The following CA13 variants were observed in gnomAD, a reference collection of about 807,000 sequenced individuals.
The protein encoded by CA13 is CA-XIII.
Under a neutral mutation model 31.5 loss-of-function variants are expected in CA13, and 21 were observed. That is an observed-to-expected ratio of 0.67 (90% confidence interval 0.47 to 0.96). The LOEUF is 0.96. Among genes scored for constraint, CA13 ranks in the 40% least tolerant of loss-of-function variants. The pLI is 0.00. For synonymous variants in CA13, 117 were observed against 111.4 expected (o/e 1.05, Z -0.32); for missense variants, 315 against 318.9 (o/e 0.99, Z 0.09).
intron 4 of CA13, chr8:85,267,190 C>T: frequency 1.0e-6 from 1 of 961,050 alleles, no homozygotes; most frequent in Admixed American, 5.9e-5. Context: ...GGGCTTCTCA[C>T]CTCCCTCTGC....
At chr8:85,268,186 G>A (rs571302465) in intron 5 of CA13, among the ~76,000 whole-genome samples, 1 of 152,196 alleles carries the variant, frequency 6.6e-6, no homozygotes, top group South Asian at 2.1e-4. Flanking sequence ...TTAGTCTCTG[G>A]TATTATATTA....
In CA13 at chr8:85,245,670, C is replaced by G. The variant is rs1276971418; in HGVS notation, c.-159C>G. On this transcript the variant is annotated 5_prime_UTR_variant, in exon 1 of 7. Transcript: ENST00000321764. The stretch of plus-strand genomic sequence containing the variant: ...CCGCACGCCTCTGCCGTCTGGAGGA[C>G]GCAGGCGGGAGCGCCCCGGACCGGG... 1.3e-6 allele frequency: 1 copy of G among 763,488 alleles called. No individual in the cohort carries two copies. Among genetic ancestry groups the G allele is most frequent in the Non-Finnish European group, 2.2e-6 (1 of 456,602 alleles). The allele number at this position is 763,488 out of a possible 1,614,324, so 47.3% of individuals were successfully genotyped here.
At chr8:85,249,303 AG>A (rs1407458187) in intron 1 of CA13, among the ~76,000 whole-genome samples, 2 of 152,144 alleles carry the variant, frequency 1.3e-5, no homozygotes, top group Non-Finnish European at 2.9e-5. Context: ...GTTTGAGACC[AG>A]CCTGTAGTGA....
At chr8:85,262,568 C>G (rs1030449205) in intron 3 of CA13, among the ~76,000 whole-genome samples, 1 of 152,124 alleles carries the variant, frequency 6.6e-6, no homozygotes, top group African/African-American at 2.4e-5. Context: ...AGGGCCTGAT[C>G]TTACTGAGGT....
At chr8:85,258,273 T>G (rs1040022014) in intron 2 of CA13, among the ~76,000 whole-genome samples, 2 of 152,010 alleles carry the variant, frequency 1.3e-5, no homozygotes, top group African/African-American at 4.8e-5. Context: ...GATGAGACAA[T>G]TTAGGACTAT....
At chr8:85,247,463 G>A (rs1416858495) in intron 1 of CA13, among the ~76,000 whole-genome samples, 2 of 152,112 alleles carry the variant, frequency 1.3e-5, no homozygotes, top group Non-Finnish European at 2.9e-5. Context: ...TTTTAGATGC[G>A]ATCTCTCTCT....
At chr8:85,265,055 C>T (rs1421469146) in intron 3 of CA13, among the ~76,000 whole-genome samples, 1 of 152,182 alleles carries the variant, frequency 6.6e-6, no homozygotes, top group Non-Finnish European at 1.5e-5. Flanking sequence ...ACATATTTAT[C>T]TCCTATAAAT....
intron 6 of CA13, among the ~76,000 whole-genome samples, chr8:85,273,642 GGCCATCC>G (rs1265025954): frequency 6.6e-6 from 1 of 151,972 alleles, no homozygotes; most frequent in Non-Finnish European, 1.5e-5. Context: ...CCGAGAGGGA[GGCCATCC>G]GGGTACTATG....
In CA13 at chr8:85,263,414, A is replaced by G. The variant is rs148373552; in HGVS notation, c.355-3194A>G. Reference sequence around the variant, plus strand: ...GCTGGGTAGAGAGGAGGCCGCTGTCAGGCAAATGTTGAAGTAGGGAGAAAA... The same window carrying G: ...GCTGGGTAGAGAGGAGGCCGCTGTCGGGCAAATGTTGAAGTAGGGAGAAAA... On this transcript the variant is annotated intron_variant, in intron 3 of 6. Coordinates refer to ENST00000321764, the MANE Select transcript of CA13 (RefSeq NM_198584.3). Among the ~76,000 whole-genome samples, 613 of 152,318 alleles carry G rather than the reference A, an allele frequency of 4.0e-3. 1 individual carries two copies. Among genetic ancestry groups the G allele is most frequent in the Middle Eastern group, 0.014 (4 of 294 alleles).
In CA13 at chr8:85,259,454, GGTTAC is replaced by G; in HGVS notation, c.271_275del (p.Leu91AlafsTer10). The G allele has an allele frequency of 6.2e-7, 1 of 1,614,114 alleles. No homozygotes were observed. Among genetic ancestry groups the G allele is most frequent in the Non-Finnish European group, 8.5e-7 (1 of 1,179,990 alleles). On this transcript the variant is annotated frameshift_variant, in exon 3 of 7. Coordinates refer to ENST00000321764, the MANE Select transcript of CA13 (RefSeq NM_198584.3). LOFTEE classifies it high-confidence loss of function. The stretch of plus-strand genomic sequence containing the variant: ...GGTGGTCCTCTCACTGGAAGCTACA[GGTTAC>G]GGCAGGTTCACCTTCACTGGGGGTC...
At chr8:85,276,194 G>A (rs936741058) in intron 6 of CA13, among the ~76,000 whole-genome samples, 3 of 152,188 alleles carry the variant, frequency 2.0e-5, no homozygotes, top group African/African-American at 7.2e-5. Context: ...GCAGTTAGGG[G>A]CTTAGCACCT....
At chr8:85,280,396 T>C (rs1437953036) in intron 6 of CA13, among the ~76,000 whole-genome samples, 1 of 152,196 alleles carries the variant, frequency 6.6e-6, no homozygotes, top group African/African-American at 2.4e-5. Context: ...CTATTTCTTA[T>C]AAAGGACCTC....
At chr8:85,277,164 A>G (rs1027570134) in intron 6 of CA13, among the ~76,000 whole-genome samples, 1 of 152,182 alleles carries the variant, frequency 6.6e-6, no homozygotes, top group Admixed American at 6.5e-5. Flanking sequence ...GTCTTCTTCC[A>G]CACCGTGGAA....
rs1234689086 is a variant in CA13 at position 85,283,322 on chromosome 8, T to C, written c.*1973T>C. 2 of 152,236 alleles carry C rather than the reference T, an allele frequency of 1.3e-5. No homozygotes were observed. The highest frequency in any genetic ancestry group is 2.9e-5 in the Non-Finnish European group (2 of 68,028). 9.4% of individuals were successfully genotyped at this position (152,236 alleles called of 1,614,324 possible). On this transcript the variant is annotated 3_prime_UTR_variant, in exon 7 of 7. Transcript: ENST00000321764. ...CAGTGGTGGATACTGTTGCATAAGA[T>C]GAGCTCCTGAAGAGTGAAGCTAATT...
At chr8:85,262,989 A>G (rs1807405293) in intron 3 of CA13, among the ~76,000 whole-genome samples, 1 of 152,196 alleles carries the variant, frequency 6.6e-6, no homozygotes. Context: ...TGATGGGAAC[A>G]ATACCATGTG....
chr8:85,264,483 G>C (rs188095252), intron 3 of CA13, among the ~76,000 whole-genome samples: 1 of 152,096 alleles, frequency 6.6e-6, no homozygotes, highest in Non-Finnish European at 1.5e-5. Flanking sequence ...AATAGAAGTG[G>C]TATCAGTTCC....
At chr8:85,250,982 T>G in intron 2 of CA13, 45 bp downstream of exon 2, 1 of 1,459,016 alleles carries the variant, frequency 6.9e-7, no homozygotes, top group Non-Finnish European at 9.6e-7. Flanking sequence ...ATGAAGGGTT[T>G]GAATGATTAG....
intron 6 of CA13, among the ~76,000 whole-genome samples, chr8:85,276,297 G>A (rs778923934): frequency 6.6e-6 from 1 of 152,178 alleles, no homozygotes; most frequent in Non-Finnish European, 1.5e-5. Flanking sequence ...CGCCATGCTT[G>A]AGCCTCCCCC....
chr8:85,259,322 G>A lies in CA13; in HGVS notation c.236-99G>A, dbSNP rs186517226. 598 of 887,776 alleles carry A rather than the reference G, an allele frequency of 6.7e-4. 4 individuals carry two copies. In the African/African-American group the frequency reaches 7.1e-3, roughly 11 times the overall value. 55.0% of individuals were successfully genotyped at this position (887,776 alleles called of 1,614,324 possible). A position where few individuals can be genotyped will look rare whatever the true frequency, so the allele number is the denominator to read the frequency against. Reference sequence around the variant, plus strand: ...CACATTTGTAAAAAATTCCTTGGAGGACATGGATGTATGGAGTAATTCAGG... The same window carrying A: ...CACATTTGTAAAAAATTCCTTGGAGAACATGGATGTATGGAGTAATTCAGG... On this transcript the variant is annotated intron_variant, in intron 2 of 6. Coordinates refer to ENST00000321764, the MANE Select transcript of CA13 (RefSeq NM_198584.3).
Sources: allele counts gnomAD v4.1 joint callset (sites outside exome capture counted in the v4.1 genomes callset), GRCh38; gene constraint gnomAD v4.1.1; transcripts MANE v1.5; gene names NCBI Gene and HGNC (gene_info 2026-07-23, HGNC 2026-07-21).